Variants in TMC5 observed in about 807,000 individuals in gnomAD.
TMC5 encodes transmembrane channel like 5.
In TMC5, 86 loss-of-function variants were observed where a neutral mutation model predicts 110.5. The ratio of observed to expected loss-of-function variants is 0.78; its 90% CI spans 0.65 to 0.93. TMC5 has a LOEUF of 0.93. Among genes scored for constraint, TMC5 ranks in the 40% least tolerant of loss-of-function variants. The pLI, the probability that TMC5 is intolerant of heterozygous loss-of-function variation, is 0.00. For missense variants in TMC5, 1,144 were observed against 1,222.8 expected (o/e 0.94, Z 0.96); for synonymous variants, 455 against 439.5 (o/e 1.04, Z -0.44).
In TMC5 at chr16:19,453,688, G is replaced by A. The variant is rs531637738; in HGVS notation, c.1048+4057G>A. ...GAGGCTGAGATGGGAAGATCCCTTG[G>A]GCCCAGGAGGCAGGCACTGCAGTGA... On this transcript the variant is annotated intron_variant, in intron 5 of 21. Transcript: ENST00000542583. Among the ~76,000 whole-genome samples the A allele has an allele frequency of 2.2e-4, 33 of 152,036 alleles. 1 individual carries two copies. In the South Asian group the frequency reaches 6.4e-3, roughly 30 times the overall value.
At chr16:19,447,063 C>T (rs555897645) in intron 4 of TMC5, among the ~76,000 whole-genome samples, 1 of 152,242 alleles carries the variant, frequency 6.6e-6, no homozygotes, top group Non-Finnish European at 1.5e-5. Flanking sequence ...TATCAGCTAG[C>T]TATTGCCACA....
chr16:19,474,311 T>C (rs772609988), intron 12 of TMC5, 35 bp downstream of exon 12: 2 of 1,601,272 alleles, frequency 1.2e-6, no homozygotes, highest in South Asian at 2.2e-5. Context: ...CCAGCCTCTA[T>C]TTCCACAGAG....
In TMC5 at chr16:19,440,121, G is replaced by A. The variant is rs745942427; in HGVS notation, c.83G>A (p.Gly28Glu). 8.7e-6 allele frequency: 14 copies of A among 1,613,912 alleles called. No homozygotes were observed. Among genetic ancestry groups the A allele is most frequent in the Middle Eastern group, 1.6e-4 (1 of 6,084 alleles). Residue 28 changes from glycine to glutamate, a missense_variant, in exon 3 of 22, where the codon GGG becomes GAG. Gly to Glu is a moderately conservative substitution (Grantham distance 98). Transcript: ENST00000542583. ...DYSGSQNRTQ[G>E]YLKTQGYPDV... ...TCAGGGTCTCAGAACCGTACGCAGG[G>A]GTATTTGAAAACTCAAGGTTATCCA...
chr16:19,470,561 T>C (rs904032048), intron 10 of TMC5, among the ~76,000 whole-genome samples: 1 of 151,158 alleles, frequency 6.6e-6, no homozygotes, highest in African/African-American at 2.4e-5. Flanking sequence ...ATTGTTACAA[T>C]TGGGAAGAGG....
At position 19,423,506 on chromosome 16, in the gene TMC5, A is replaced by G. The variant is rs372790265; in HGVS notation, c.-308+5414A>G. ...CAACATTTTCCCCTAATAAAGTTCT[A>G]CCCCCTGCATTTCCCCACTTCTAAA... On this transcript the variant is annotated intron_variant, in intron 1 of 21. Coordinates refer to ENST00000542583, the MANE Select transcript of TMC5 (RefSeq NM_001261841.2). 7.9e-5 allele frequency among the ~76,000 whole-genome samples: 12 copies of G among 151,778 alleles called. No individual in the cohort carries two copies. In the South Asian group the frequency reaches 1.5e-3, roughly 18 times the overall value.
At chr16:19,445,944 G>A (rs545789053) in intron 4 of TMC5, among the ~76,000 whole-genome samples, 2 of 152,030 alleles carry the variant, frequency 1.3e-5, no homozygotes, top group African/African-American at 2.4e-5. Flanking sequence ...GAGCCTGGGA[G>A]GTTGAGGCTG....
At chr16:19,477,416 A>G in intron 12 of TMC5, 24 bp from the exon 13 acceptor site, 5 of 1,546,618 alleles carry the variant, frequency 3.2e-6, no homozygotes, top group Non-Finnish European at 4.5e-6. Context: ...GAAGGTAATC[A>G]TAAATGTTGT....
chr16:19,444,229 G>T lies in TMC5; in HGVS notation c.937G>T (p.Gly313Cys), dbSNP rs758466006. ...MANSYGHSLP[G>C]APGSGYVNPA... ...AAACTCATATGGCCACTCTCTGCCA[G>T]GTGCTCCTGGAAGTGGCTATGGTAA... Residue 313 changes from glycine (G) to cysteine (C), a missense_variant, in exon 4 of 22, where the codon GGT (glycine) becomes TGT (cysteine). Gly to Cys is a radical substitution (Grantham distance 159, BLOSUM62 -3). Transcript: ENST00000542583. 3 of 1,613,858 alleles carry T rather than the reference G, an allele frequency of 1.9e-6. No homozygotes were observed. The highest frequency in any genetic ancestry group is 3.3e-5 in the Admixed American group (2 of 60,006).
At chr16:19,433,231 G>C (rs1312579364) in intron 2 of TMC5, among the ~76,000 whole-genome samples, 1 of 152,182 alleles carries the variant, frequency 6.6e-6, no homozygotes, top group Non-Finnish European at 1.5e-5. Context: ...GGTGCAGGTG[G>C]GCTGTGAGCC....
chr16:19,474,323 G>A, intron 12 of TMC5, 47 bp downstream of exon 12: 1 of 1,585,194 alleles, frequency 6.3e-7, no homozygotes, highest in Non-Finnish European at 8.6e-7. Flanking sequence ...TCCACAGAGA[G>A]AAGTGGGATG....
At chr16:19,480,118 A>C (rs1438502364) in intron 14 of TMC5, among the ~76,000 whole-genome samples, 2 of 152,186 alleles carry the variant, frequency 1.3e-5, no homozygotes, top group Non-Finnish European at 2.9e-5. Flanking sequence ...GCAAAAATGG[A>C]GTCACACTGC....
At position 19,463,287 on chromosome 16, in the gene TMC5, G is replaced by C; in HGVS notation, c.1156G>C (p.Val386Leu). The change falls in exon 7 of 22, where the codon GTT (valine) becomes CTT (leucine). Residue 386 changes from valine (V) to leucine (L), a missense_variant. By Grantham distance (32) the Val-to-Leu change is conservative. Transcript: ENST00000542583. The stretch of plus-strand genomic sequence containing the variant: ...TCTTGCTGTTCCCTACAGGAAAATA[G>C]TTGACAAAGAAAAAAGCAAACAGAC... ...MEEKRNLRKI[V>L]DKEKSKQTHR... 3 of 1,613,266 alleles carry C rather than the reference G, an allele frequency of 1.9e-6. No homozygotes were observed. The highest frequency in any genetic ancestry group is 2.5e-6 in the Non-Finnish European group (3 of 1,179,240).
chr16:19,463,271 TC>T lies in TMC5; in HGVS notation c.1149-6del, dbSNP rs1405043779. The T allele has an allele frequency of 6.2e-7, 1 of 1,605,660 alleles. No homozygotes were observed. The highest frequency in any genetic ancestry group is 2.2e-5 in the East Asian group (1 of 44,852). On this transcript the variant is annotated splice_region_variant and splice_polypyrimidine_tract_variant and intron_variant, in intron 6 of 21. Transcript: ENST00000542583. ...TGTATCTCTCATTTTCTCTTGCTGT[TC>T]CCTACAGGAAAATAGTTGACAAAGA...
In TMC5 at chr16:19,440,086, C is replaced by G. The variant is rs772767082; in HGVS notation, c.48C>G (p.Tyr16Ter). 2 of 1,613,960 alleles carry G rather than the reference C, an allele frequency of 1.2e-6. No homozygotes were observed. Among genetic ancestry groups the G allele is most frequent in the Non-Finnish European group, 1.7e-6 (2 of 1,180,028 alleles). Residue 16 changes from tyrosine to a stop codon, truncating the protein, a stop_gained, in exon 3 of 22, where the codon TAC becomes TAG. Coordinates refer to ENST00000542583, the MANE Select transcript of TMC5 (RefSeq NM_001261841.2). LOFTEE classifies it high-confidence loss of function. ...RNNWSEEDPD[Y>*]PDYSGSQNRT... ...ACTGGTCTGAGGAAGACCCAGATTA[C>G]CCTGACTATTCAGGGTCTCAGAACC...
upstream of TMC5, among the ~76,000 whole-genome samples, chr16:19,413,754 G>C (rs997779732): frequency 6.6e-6 from 1 of 152,058 alleles, no homozygotes; most frequent in African/African-American, 2.4e-5. Context: ...CCCAGCCCTA[G>C]TCATCTACAG....
At chr16:19,423,698 C>T (rs567989324) in intron 1 of TMC5, among the ~76,000 whole-genome samples, 20 of 152,070 alleles carry the variant, frequency 1.3e-4, no homozygotes, top group Non-Finnish European at 2.2e-4. Flanking sequence ...GTTGAGAGGT[C>T]CACACTGACC....
At chr16:19,475,143 C>T (rs763984112) in intron 12 of TMC5, among the ~76,000 whole-genome samples, 69 of 152,062 alleles carry the variant, frequency 4.5e-4, no homozygotes, top group African/African-American at 1.4e-3. Context: ...GTCTGTAGGC[C>T]GGGCATGGTG....
At chr16:19,433,752 C>A (rs1187320523) in intron 2 of TMC5, among the ~76,000 whole-genome samples, 1 of 151,760 alleles carries the variant, frequency 6.6e-6, no homozygotes, top group Non-Finnish European at 1.5e-5. Flanking sequence ...CAGTTACAGT[C>A]ACTATGTTGG....
chr16:19,421,548 T>G (rs1966983079), intron 1 of TMC5, among the ~76,000 whole-genome samples: 1 of 152,218 alleles, frequency 6.6e-6, no homozygotes, highest in Admixed American at 6.5e-5. Flanking sequence ...TAAACCTCTT[T>G]TTCTTTATAA....
Sources: gnomAD v4.1 joint callset for allele counts (sites outside exome capture counted in the v4.1 genomes callset) on GRCh38, gnomAD v4.1.1 for gene constraint, MANE v1.5 for transcripts, NCBI Gene and HGNC (gene_info 2026-07-23, HGNC 2026-07-21) for gene names.